The following TSHZ2 variants were observed in gnomAD, a reference collection of about 807,000 sequenced individuals.
TSHZ2 encodes the protein teashirt homolog 2.
A neutral mutation model predicts 74.4 loss-of-function variants in TSHZ2; 21 were observed. The observed-to-expected ratio is 0.28, with a 90% CI of 0.20 to 0.41. The LOEUF is 0.41. Ranked by LOEUF, TSHZ2 falls within the 10% of genes least tolerant of loss-of-function variation. The pLI is 1.00. For synonymous variants in TSHZ2, 540 were observed against 515.3 expected (o/e 1.05, Z -0.65); for missense variants, 1,244 against 1,293.5 (o/e 0.96, Z 0.59).
chr20:52,999,603 G>A (rs186292677), intron 1 of TSHZ2, among the ~76,000 whole-genome samples: 2 of 152,098 alleles, frequency 1.3e-5, no homozygotes, highest in Non-Finnish European at 2.9e-5. Context: ...CAGAGCAAAC[G>A]GCCAGTCTAG....
chr20:53,258,786 G>A (rs1013274694), intron 2 of TSHZ2, among the ~76,000 whole-genome samples: 1 of 152,160 alleles, frequency 6.6e-6, no homozygotes, highest in Non-Finnish European at 1.5e-5. Context: ...CACCGTATTG[G>A]TGTTTTCATT....
chr20:53,042,096 T>A (rs1984060606), intron 1 of TSHZ2, among the ~76,000 whole-genome samples: 1 of 152,124 alleles, frequency 6.6e-6, no homozygotes, highest in Admixed American at 6.5e-5. Context: ...TATAAATGTG[T>A]GGGGGCATGT....
intron 2 of TSHZ2, among the ~76,000 whole-genome samples, chr20:53,302,904 C>A (rs1053647003): frequency 2.6e-5 from 4 of 152,196 alleles, no homozygotes. Context: ...GGAAACCACA[C>A]CCTCCACGGC....
At chr20:53,111,424 G>A (rs1986532106) in intron 1 of TSHZ2, among the ~76,000 whole-genome samples, 1 of 152,156 alleles carries the variant, frequency 6.6e-6, no homozygotes, top group Admixed American at 6.5e-5. Context: ...AAGGGGCTCT[G>A]ATCCCTGTCA....
chr20:53,244,822 G>A (rs539811450), intron 1 of TSHZ2, among the ~76,000 whole-genome samples: 3 of 152,202 alleles, frequency 2.0e-5, no homozygotes, highest in African/African-American at 4.8e-5. Flanking sequence ...CACTTTCTAC[G>A]GAAGTTCCCG....
intron 1 of TSHZ2, among the ~76,000 whole-genome samples, chr20:53,192,850 A>G (rs1037439651): frequency 4.6e-5 from 7 of 152,156 alleles, no homozygotes; most frequent in Admixed American, 2.0e-4. Context: ...TTTTGGCTGG[A>G]TCCTGTTGAG....
chr20:53,363,113 G>C (rs1431854192), intron 2 of TSHZ2, among the ~76,000 whole-genome samples: 3 of 152,240 alleles, frequency 2.0e-5, no homozygotes, highest in Non-Finnish European at 4.4e-5. Context: ...TATACCCGAG[G>C]CATGTGCTGC....
At chr20:53,022,132 A>C (rs1983266957) in intron 1 of TSHZ2, among the ~76,000 whole-genome samples, 1 of 152,204 alleles carries the variant, frequency 6.6e-6, no homozygotes. Context: ...TCCTGGCTGC[A>C]AAGGCAAAAA....
At chr20:53,128,839 C>G (rs1053917067) in intron 1 of TSHZ2, among the ~76,000 whole-genome samples, 3 of 152,286 alleles carry the variant, frequency 2.0e-5, no homozygotes, top group African/African-American at 7.2e-5. Flanking sequence ...CCAGGCTGGT[C>G]TTGAACTCCT....
At chr20:53,050,622 G>A (rs1057273781) in intron 1 of TSHZ2, among the ~76,000 whole-genome samples, 1 of 152,190 alleles carries the variant, frequency 6.6e-6, no homozygotes, top group African/African-American at 2.4e-5. Context: ...TGAAGCAGAC[G>A]ATGGAGAAAG....
chr20:53,012,015 G>A (rs1376386380), intron 1 of TSHZ2, among the ~76,000 whole-genome samples: 1 of 152,204 alleles, frequency 6.6e-6, no homozygotes, highest in Non-Finnish European at 1.5e-5. Context: ...ATGCTAGTCA[G>A]TGATACAGCT....
intron 1 of TSHZ2, among the ~76,000 whole-genome samples, chr20:53,108,838 G>C (rs1292434638): frequency 6.6e-6 from 1 of 152,120 alleles, no homozygotes; most frequent in Non-Finnish European, 1.5e-5. Flanking sequence ...AAGCAAACAG[G>C]CTGCTGAGTC....
intron 2 of TSHZ2, among the ~76,000 whole-genome samples, chr20:53,446,585 A>G (rs552172005): frequency 6.6e-6 from 1 of 151,546 alleles, no homozygotes; most frequent in East Asian, 1.9e-4. Context: ...TCGCAAAAAA[A>G]AAAAAAAAAA....
chr20:53,336,431 CATT>C (rs1386949918), intron 2 of TSHZ2, among the ~76,000 whole-genome samples: 1 of 152,142 alleles, frequency 6.6e-6, no homozygotes, highest in African/African-American at 2.4e-5. Flanking sequence ...TAAGATGTGT[CATT>C]ATTTAGGACC....
At chr20:53,386,744 G>C (rs75329171) in intron 2 of TSHZ2, among the ~76,000 whole-genome samples, 2 of 152,292 alleles carry the variant, frequency 1.3e-5, no homozygotes, top group Non-Finnish European at 2.9e-5. Context: ...ACAGAGGCCT[G>C]CTCCCAGAAG....
At chr20:53,122,385 G>A (rs1301172083) in intron 1 of TSHZ2, among the ~76,000 whole-genome samples, 1 of 151,698 alleles carries the variant, frequency 6.6e-6, no homozygotes, top group African/African-American at 2.4e-5. Context: ...ATCAGCAGTA[G>A]CATCTAGTTG....
intron 2 of TSHZ2, among the ~76,000 whole-genome samples, chr20:53,326,402 A>G (rs1355749092): frequency 2.6e-5 from 4 of 152,256 alleles, no homozygotes; most frequent in Non-Finnish European, 5.9e-5. Flanking sequence ...GGCCATAGAT[A>G]GTTAAGATCT....
chr20:53,407,688 G>T (rs533978099), intron 2 of TSHZ2, among the ~76,000 whole-genome samples: 1 of 152,174 alleles, frequency 6.6e-6, no homozygotes, highest in African/African-American at 2.4e-5. Flanking sequence ...TAAGGCAGGG[G>T]TTGGCAAACT....
chr20:53,195,719 G>C (rs1988846371), intron 1 of TSHZ2, among the ~76,000 whole-genome samples: 3 of 152,192 alleles, frequency 2.0e-5, no homozygotes, highest in Admixed American at 2.0e-4. Context: ...TTCTTGGAAA[G>C]AGCACAAGGA....
Sources: gnomAD v4.1 joint callset for allele counts (sites outside exome capture counted in the v4.1 genomes callset) on GRCh38, gnomAD v4.1.1 for gene constraint, MANE v1.5 for transcripts, NCBI Gene and HGNC (gene_info 2026-07-23, HGNC 2026-07-21) for gene names.